Variants in DMXL1 observed in about 807,000 individuals in gnomAD.
DMXL1 encodes Dmx like 1, also known as dmX-like protein 1.
Under a neutral mutation model 319.2 loss-of-function variants are expected in DMXL1, and 99 were observed. The observed-to-expected ratio is 0.31, with a 90% confidence interval of 0.26 to 0.37. The LOEUF is 0.37. Among genes scored for constraint, DMXL1 ranks in the 10% least tolerant of loss-of-function variants. The pLI, the probability that DMXL1 is intolerant of heterozygous loss-of-function variation, is 1.00. For synonymous variants in DMXL1, 1,385 were observed against 1,235.2 expected (o/e 1.12, Z -2.54); for missense variants, 3,745 against 3,595.6 (o/e 1.04, Z -1.06).
intron 1 of DMXL1, among the ~76,000 whole-genome samples, chr5:119,084,662 G>A (rs956434766): frequency 2.4e-4 from 37 of 151,266 alleles, no homozygotes; most frequent in African/African-American, 7.8e-4. Context: ...CTGTGAGTTC[G>A]AGACCAGCAT....
intron 35 of DMXL1, among the ~76,000 whole-genome samples, chr5:119,218,637 A>G (rs1247405000): frequency 6.6e-6 from 1 of 151,932 alleles, no homozygotes; most frequent in Admixed American, 6.6e-5. Context: ...TTGTATTTTT[A>G]GTAGAGACGG....
intron 34 of DMXL1, among the ~76,000 whole-genome samples, chr5:119,208,142 T>A (rs968470802): frequency 1.2e-4 from 18 of 152,126 alleles, no homozygotes; most frequent in African/African-American, 4.3e-4. Flanking sequence ...TTCAAACTTT[T>A]AATCAGTTAA....
intron 13 of DMXL1, among the ~76,000 whole-genome samples, chr5:119,139,356 A>G (rs966263855): frequency 3.3e-5 from 5 of 152,036 alleles, no homozygotes; most frequent in Non-Finnish European, 5.9e-5. Context: ...TAAAAAAACA[A>G]TGGTATGTGG....
In DMXL1 at chr5:119,073,194, C is replaced by A. The variant is rs1432703456; in HGVS notation, c.87+1538C>A. 3.9e-5 allele frequency among the ~76,000 whole-genome samples: 6 copies of A among 152,176 alleles called. No homozygotes were observed. In the East Asian group the frequency reaches 7.7e-4, roughly 20 times the overall value. ...CCTTCCACCTTAGGCTCCTGAGGAG[C>A]TAGGACTACAGATTCTAATCACCAC... is the stretch of plus-strand genomic sequence containing the variant. On this transcript the variant is annotated intron_variant, in intron 1 of 43. Transcript: ENST00000539542.
chr5:119,128,803 C>T (rs1167773609), intron 9 of DMXL1, among the ~76,000 whole-genome samples: 7 of 152,258 alleles, frequency 4.6e-5, no homozygotes, highest in African/African-American at 9.6e-5. Flanking sequence ...CGGTGGCTCA[C>T]GTCTGTAATC....
At chr5:119,177,200 CTT>C in intron 26 of DMXL1, among the ~76,000 whole-genome samples, 155 bp from the exon 27 acceptor site, 1 of 152,186 alleles carries the variant, frequency 6.6e-6, no homozygotes, top group East Asian at 1.9e-4. Flanking sequence ...TTAAAGGATA[CTT>C]TGTTTTTATA....
At chr5:119,210,757 G>GTTTTTTTTTTTT in intron 34 of DMXL1, among the ~76,000 whole-genome samples, 1 of 89,776 alleles carries the variant, frequency 1.1e-5, no homozygotes, top group African/African-American at 4.1e-5. Flanking sequence ...TTTTTCTTTC[G>GTTTTTTTTTTTT]TTTTTTTTTT....
chr5:119,128,022 C>G (rs932065649), intron 9 of DMXL1: 3 of 414,886 alleles, frequency 7.2e-6, no homozygotes, highest in Non-Finnish European at 1.4e-5. Context: ...TCTGTTTTAT[C>G]ATGATTCTCC....
At chr5:119,212,822 A>C (rs903428332) in intron 34 of DMXL1, among the ~76,000 whole-genome samples, 1 of 152,018 alleles carries the variant, frequency 6.6e-6, no homozygotes, top group African/African-American at 2.4e-5. Flanking sequence ...AGCACATGCA[A>C]GTTCTGTCTC....
rs766432647 is a variant in DMXL1, at chr5:119,164,550, A to G, written c.4746A>G (p.Ala1582=). The change falls in exon 20 of 44, where the codon GCA becomes GCG. Residue 1582 remains alanine (A), a synonymous_variant. Coordinates refer to ENST00000539542, the MANE Select transcript of DMXL1 (RefSeq NM_001290321.3). The part of the protein sequence containing the change: ...SHFAWAFHSV[A]EEELLNMLPA... ...TTGCTTGGGCATTTCACTCAGTAGC[A>G]GAAGAAGAACTGCTGAACATGTTGC... 76 of 1,614,032 alleles carry G rather than the reference A, an allele frequency of 4.7e-5. No homozygotes were observed. In the South Asian group the frequency reaches 7.2e-4, roughly 15 times the overall value.
rs760240072 is a variant in DMXL1 at position 119,170,852 on chromosome 5, G to A, written c.6061G>A (p.Glu2021Lys). ...LDENDLLNPS[E>K]DIIAVQLKFR... ...TGAAAATGACCTTTTAAATCCATCA[G>A]AAGATATAATTGCAGTTCAGTTAAA... The change falls in exon 24 of 44, where the codon GAA becomes AAA. Residue 2021 changes from glutamate (E) to lysine (K), a missense_variant. Physicochemically the swap from Glu to Lys is moderately conservative, Grantham distance 56 (BLOSUM62 1). Coordinates refer to ENST00000539542, the MANE Select transcript of DMXL1 (RefSeq NM_001290321.3). 2 of 1,611,964 alleles carry A rather than the reference G, an allele frequency of 1.2e-6. No homozygotes were observed. The highest frequency in any genetic ancestry group is 1.7e-6 in the Non-Finnish European group (2 of 1,179,586).
chr5:119,203,913 C>T (rs985540745), intron 33 of DMXL1, among the ~76,000 whole-genome samples: 1 of 152,150 alleles, frequency 6.6e-6, no homozygotes, highest in Non-Finnish European at 1.5e-5. Flanking sequence ...CTCCGCACCT[C>T]CCAGGTTCAC....
intron 5 of DMXL1, among the ~76,000 whole-genome samples, chr5:119,114,087 G>C (rs1324855236): frequency 2.0e-5 from 3 of 152,108 alleles, no homozygotes; most frequent in Non-Finnish European, 2.9e-5. Context: ...TCTTTAATTA[G>C]GTAAGTATTA....
chr5:119,233,654 G>C (rs1787186134), intron 39 of DMXL1, among the ~76,000 whole-genome samples, 187 bp downstream of exon 39: 1 of 152,040 alleles, frequency 6.6e-6, no homozygotes, highest in Non-Finnish European at 1.5e-5. Context: ...TGTTATATAG[G>C]TGTCCATTAA....
intron 43 of DMXL1, among the ~76,000 whole-genome samples, chr5:119,245,411 G>A (rs1450052334): frequency 2.0e-5 from 3 of 152,042 alleles, no homozygotes; most frequent in Admixed American, 6.5e-5. Context: ...CTAGAATTAT[G>A]GAATTTTTAA....
At chr5:119,090,854 C>T (rs1297282470) in intron 1 of DMXL1, among the ~76,000 whole-genome samples, 8 of 151,606 alleles carry the variant, frequency 5.3e-5, no homozygotes, top group East Asian at 1.9e-4. Context: ...CGTGAGCCAC[C>T]GTGCCTGGCA....
rs180690936 is a variant in DMXL1, at chr5:119,131,325, T to C, written c.1316-1807T>C. Among the ~76,000 whole-genome samples the C allele has an allele frequency of 4.7e-3, 714 of 152,256 alleles. 1 individual carries two copies. The highest frequency in any genetic ancestry group is 7.9e-3 in the Non-Finnish European group (536 of 68,008). ...TTTGAAAGAGGAAAGAATATACATATTTACCTGTATTGATAAGTTGATACA... is the reference window on the plus strand; with the variant it reads ...TTTGAAAGAGGAAAGAATATACATACTTACCTGTATTGATAAGTTGATACA... On this transcript the variant is annotated intron_variant, in intron 10 of 43. Transcript: ENST00000539542.
Position 119,118,979 on chromosome 5 carries a change from A to C in DMXL1, c.908A>C (p.Lys303Thr). 1 of 1,612,448 alleles carries C rather than the reference A, an allele frequency of 6.2e-7. No homozygotes were observed. Among genetic ancestry groups the C allele is most frequent in the Non-Finnish European group, 8.5e-7 (1 of 1,179,446 alleles). The change falls in exon 8 of 44, where the codon AAA (lysine) becomes ACA (threonine). Residue 303 changes from lysine to threonine, a missense_variant. Coordinates refer to ENST00000539542, the MANE Select transcript of DMXL1 (RefSeq NM_001290321.3). The part of the protein sequence containing the change: ...TNNFKRNASS[K>T]ERVQNALEVN... ...AACTTCAAGAGAAATGCTTCCAGTA[A>C]AGAACGAGTTCAAAATGCTTTAGAA...
At chr5:119,212,555 G>T (rs984532904) in intron 34 of DMXL1, among the ~76,000 whole-genome samples, 1 of 152,070 alleles carries the variant, frequency 6.6e-6, no homozygotes, top group Non-Finnish European at 1.5e-5. Flanking sequence ...GTTTTTTGGG[G>T]TATATACAGA....
Sources: gnomAD v4.1 joint callset for allele counts (sites outside exome capture counted in the v4.1 genomes callset) on GRCh38, gnomAD v4.1.1 for gene constraint, MANE v1.5 for transcripts, NCBI Gene and HGNC (gene_info 2026-07-23, HGNC 2026-07-21) for gene names.